Variants in INSR observed in about 807,000 individuals in gnomAD.
INSR encodes the protein insulin receptor, also known as IR.
In INSR, 67 loss-of-function variants were observed where a neutral mutation model predicts 142.6. The ratio of observed to expected loss-of-function variants is 0.47; its 90% CI spans 0.39 to 0.58. The LOEUF is 0.58. Among genes scored for constraint, INSR ranks in the 20% least tolerant of loss-of-function variants. The pLI, the probability that INSR is intolerant of heterozygous loss-of-function variation, is 0.00. For synonymous variants in INSR, 756 were observed against 743.1 expected (o/e 1.02, Z -0.28); for missense variants, 1,248 against 1,833.2 (o/e 0.68, Z 5.83).
At chr19:7,226,990 C>A (rs1344840634) in intron 2 of INSR, among the ~76,000 whole-genome samples, 1 of 152,160 alleles carries the variant, frequency 6.6e-6, no homozygotes, top group South Asian at 2.1e-4. Context: ...GTAAACAGTT[C>A]AAATCTTGTC....
intron 1 of INSR, among the ~76,000 whole-genome samples, chr19:7,291,994 C>A (rs1361685842): frequency 6.6e-6 from 1 of 151,568 alleles, no homozygotes; most frequent in Non-Finnish European, 1.5e-5. Context: ...AGGGTTTTAC[C>A]GTGTTAGCCA....
At chr19:7,233,917 G>C (rs73490756) in intron 2 of INSR, among the ~76,000 whole-genome samples, 9,231 of 150,956 alleles carry the variant, frequency 0.061, 753 homozygotes, top group African/African-American at 0.18. Flanking sequence ...ATCTCGTGAT[G>C]TGCCCGCATT....
intron 2 of INSR, among the ~76,000 whole-genome samples, chr19:7,197,275 A>G (rs561074877): frequency 3.1e-4 from 47 of 152,350 alleles, no homozygotes; most frequent in African/African-American, 1.1e-3. Context: ...AGAGTACCAG[A>G]GGGCCTTCCC....
chr19:7,134,792 G>A (rs1207238304), intron 13 of INSR, among the ~76,000 whole-genome samples: 1 of 151,762 alleles, frequency 6.6e-6, no homozygotes, highest in Non-Finnish European at 1.5e-5. Context: ...GGTATACTTT[G>A]CCTCAAAAAT....
At chr19:7,231,053 C>T (rs1232375914) in intron 2 of INSR, among the ~76,000 whole-genome samples, 2 of 152,134 alleles carry the variant, frequency 1.3e-5, no homozygotes, top group Non-Finnish European at 2.9e-5. Flanking sequence ...AGCCAACTCC[C>T]TTGGCCAGAG....
At chr19:7,253,926 G>A (rs529616495) in intron 2 of INSR, among the ~76,000 whole-genome samples, 16 of 150,942 alleles carry the variant, frequency 1.1e-4, no homozygotes, top group Admixed American at 9.3e-4. Flanking sequence ...GCACTCAGGA[G>A]GCTGAGGTAG....
chr19:7,258,757 AG>A lies in INSR; in HGVS notation c.652+8587del, dbSNP rs59854245. 2.9e-3 allele frequency among the ~76,000 whole-genome samples: 435 copies of A among 149,400 alleles called. 39 individuals carry two copies. Among genetic ancestry groups the A allele is most frequent in the African/African-American group, 9.9e-3 (405 of 40,750 alleles). On this transcript the variant is annotated intron_variant, in intron 2 of 21. Transcript: ENST00000302850. ...TCAACTGTGAGCCAGGTACTATGAC[AG>A]GTGCTTGAGATACAACAAAGTCCCT... is the stretch of plus-strand genomic sequence containing the variant.
At chr19:7,160,234 A>T (rs1973711970) in intron 9 of INSR, among the ~76,000 whole-genome samples, 1 of 151,978 alleles carries the variant, frequency 6.6e-6, no homozygotes, top group Admixed American at 6.6e-5. Context: ...GGCTCATTGC[A>T]ACCTCCACCT....
intron 2 of INSR, among the ~76,000 whole-genome samples, chr19:7,262,237 G>A (rs1186764901): frequency 2.0e-5 from 3 of 152,132 alleles, no homozygotes; most frequent in East Asian, 3.9e-4. Context: ...TTGGGAGGCC[G>A]AGGCCAGTGG....
At chr19:7,204,391 G>C (rs532583071) in intron 2 of INSR, among the ~76,000 whole-genome samples, 1 of 151,874 alleles carries the variant, frequency 6.6e-6, no homozygotes. Context: ...TATAAGTTAC[G>C]AGAGTCTTCG....
intron 2 of INSR, among the ~76,000 whole-genome samples, chr19:7,197,118 G>A (rs1287406443): frequency 6.6e-6 from 1 of 152,214 alleles, no homozygotes; most frequent in Non-Finnish European, 1.5e-5. Context: ...GGTCAGCAGC[G>A]ACGACCGCAG....
chr19:7,188,701 C>T (rs1974498067), intron 2 of INSR, among the ~76,000 whole-genome samples: 1 of 151,822 alleles, frequency 6.6e-6, no homozygotes, highest in East Asian at 1.9e-4. Context: ...ATGGTGAAAC[C>T]CGTCTCTACT....
intron 2 of INSR, among the ~76,000 whole-genome samples, chr19:7,185,077 G>A (rs1974392541): frequency 6.6e-6 from 1 of 152,150 alleles, no homozygotes; most frequent in Non-Finnish European, 1.5e-5. Context: ...TGACACAAAA[G>A]TAGTAAATAA....
intron 1 of INSR, among the ~76,000 whole-genome samples, chr19:7,287,159 C>CTT (rs34457204): frequency 8.5e-5 from 11 of 129,154 alleles, no homozygotes; most frequent in Admixed American, 3.3e-4. Context: ...CAAAAATATT[C>CTT]TTTTTTTTTT....
In INSR at chr19:7,216,997, TTC is replaced by T. The variant is rs66570815; in HGVS notation, c.653-32362_653-32361del. 0.9 allele frequency among the ~76,000 whole-genome samples: 103,445 copies of T among 114,396 alleles called. 46,406 individuals carry two copies. Among genetic ancestry groups the T allele is most frequent in the South Asian group, 0.94 (3,357 of 3,588 alleles). 75.0% of individuals were successfully genotyped at this position (114,396 alleles called of 152,430 possible). A position where few individuals can be genotyped will look rare whatever the true frequency, so the allele number is the denominator to read the frequency against. The stretch of plus-strand genomic sequence containing the variant: ...CAGCTAATTTTTCTTCTTCTTCTTC[TTC>T]TTTTTTTTTTTTTTGTAGAGATGGG... On this transcript the variant is annotated intron_variant, in intron 2 of 21. Coordinates refer to ENST00000302850, the MANE Select transcript of INSR (RefSeq NM_000208.4). The surrounding 1 kb of genome is among the most constrained non-coding windows in gnomAD (Gnocchi z 4.2).
At chr19:7,160,082 T>G (rs1295304240) in intron 9 of INSR, among the ~76,000 whole-genome samples, 2 of 152,124 alleles carry the variant, frequency 1.3e-5, no homozygotes, top group Non-Finnish European at 2.9e-5. Context: ...GAGGATCGCT[T>G]GTGGTCAGGA....
chr19:7,172,139 C>A (rs1974028652), intron 5 of INSR, 151 bp downstream of exon 5: 1 of 776,648 alleles, frequency 1.3e-6, no homozygotes, highest in Non-Finnish European at 2.2e-6. Flanking sequence ...CTTGAACTCC[C>A]CGCCTCAAGT....
chr19:7,170,497 C>G (rs34520134), intron 6 of INSR, 40 bp downstream of exon 6: 6 of 1,494,926 alleles, frequency 4.0e-6, no homozygotes, highest in East Asian at 2.3e-5. Context: ...TCCACTACAC[C>G]GGTCCCTCAT....
chr19:7,168,230 C>G lies in INSR; in HGVS notation c.1484-136G>C. ...TGCTATTCCCTTAAGGGTCTCCTCC[C>G]CATGTGCCTGGCTGAGTATGAATGG... On this transcript the variant is annotated intron_variant, in intron 6 of 21. Coordinates refer to ENST00000302850, the MANE Select transcript of INSR (RefSeq NM_000208.4). The surrounding 1 kb of genome is among the most constrained non-coding windows in gnomAD (Gnocchi z 4.3). The G allele has an allele frequency of 6.8e-6, 6 of 887,338 alleles. No homozygotes were observed. The South Asian group carries it at 8.7e-5, about 13-fold the overall frequency. 55.0% of individuals were successfully genotyped at this position (887,338 alleles called of 1,614,324 possible). A position where few individuals can be genotyped will look rare whatever the true frequency, so the allele number is the denominator to read the frequency against.
Sources: gnomAD v4.1 joint callset for allele counts (sites outside exome capture counted in the v4.1 genomes callset) on GRCh38, gnomAD v4.1.1 for gene constraint, Gnocchi (gnomAD v3.1) non-coding constraint, MANE v1.5 for transcripts, NCBI Gene and HGNC (gene_info 2026-07-23, HGNC 2026-07-21) for gene names.